The following EXOC4 variants were observed in gnomAD, a reference collection of about 807,000 sequenced individuals.
EXOC4 encodes the protein exocyst complex component 4.
A neutral mutation model predicts 107.2 loss-of-function variants in EXOC4; 71 were observed. The ratio of observed to expected loss-of-function variants is 0.66; its 90% CI spans 0.55 to 0.81. The LOEUF (loss-of-function observed/expected upper bound fraction) is 0.81. Among genes scored for constraint, EXOC4 ranks in the 30% least tolerant of loss-of-function variants. The pLI, the probability that EXOC4 is intolerant of heterozygous loss-of-function variation, is 0.00. For synonymous variants in EXOC4, 456 were observed against 441.2 expected, an observed-to-expected ratio of 1.03 and a Z score of -0.42; for missense variants, 1,108 against 1,189.6, an observed-to-expected ratio of 0.93 and a Z score of 1.01.
intron 9 of EXOC4, among the ~76,000 whole-genome samples, chr7:133,585,236 G>GTGTT: frequency 6.6e-6 from 1 of 152,236 alleles, no homozygotes; most frequent in African/African-American, 2.4e-5. Context: ...GCAAATCCTT[G>GTGTT]TGTTATCTGT....
intron 10 of EXOC4, among the ~76,000 whole-genome samples, chr7:133,685,718 A>G (rs1794282954): frequency 6.6e-6 from 1 of 152,220 alleles, no homozygotes; most frequent in African/African-American, 2.4e-5. Context: ...ACCTCTAAAA[A>G]TGAAAATGTT....
chr7:133,517,267 G>T (rs1016893384), intron 9 of EXOC4, among the ~76,000 whole-genome samples: 1 of 152,100 alleles, frequency 6.6e-6, no homozygotes, highest in Non-Finnish European at 1.5e-5. Flanking sequence ...TTTAATAAAG[G>T]AAGTGTGCAG....
chr7:133,504,043 A>G (rs1799624627), intron 9 of EXOC4, among the ~76,000 whole-genome samples: 1 of 152,136 alleles, frequency 6.6e-6, no homozygotes, highest in Non-Finnish European at 1.5e-5. Flanking sequence ...ACACACTCAC[A>G]AATACGTGTA....
intron 14 of EXOC4, among the ~76,000 whole-genome samples, chr7:133,984,013 C>T (rs916148015): frequency 2.6e-5 from 4 of 152,252 alleles, no homozygotes; most frequent in East Asian, 3.9e-4. Flanking sequence ...AAAAATCAAT[C>T]GTAATGTTTC....
At chr7:133,630,405 C>A (rs1486628161) in intron 10 of EXOC4, among the ~76,000 whole-genome samples, 1 of 152,004 alleles carries the variant, frequency 6.6e-6, no homozygotes, top group Non-Finnish European at 1.5e-5. Flanking sequence ...GCCCTCTTCC[C>A]TTCCCTCCCT....
At chr7:133,743,100 C>T (rs904297463) in intron 10 of EXOC4, among the ~76,000 whole-genome samples, 11 of 152,238 alleles carry the variant, frequency 7.2e-5, no homozygotes, top group East Asian at 3.9e-4. Context: ...TACTTCCCAG[C>T]GGCATCTGTT....
chr7:133,693,850 A>AT (rs1794473406), intron 10 of EXOC4, among the ~76,000 whole-genome samples: 1 of 152,122 alleles, frequency 6.6e-6, no homozygotes, highest in Non-Finnish European at 1.5e-5. Context: ...CAGAAAAGAG[A>AT]TTATTTATGA....
intron 5 of EXOC4, among the ~76,000 whole-genome samples, chr7:133,334,705 T>C (rs1584823559): frequency 6.6e-6 from 1 of 151,462 alleles, no homozygotes; most frequent in African/African-American, 2.4e-5. Flanking sequence ...CTCTCCCTCC[T>C]CCCACCCTCC....
At chr7:133,404,942 C>A (rs1797183762) in intron 7 of EXOC4, among the ~76,000 whole-genome samples, 1 of 141,598 alleles carries the variant, frequency 7.1e-6, no homozygotes, top group African/African-American at 2.6e-5. Flanking sequence ...GGTGTGATAA[C>A]CTACACCTGT....
intron 5 of EXOC4, among the ~76,000 whole-genome samples, chr7:133,339,327 G>A (rs1795605090): frequency 6.6e-6 from 1 of 152,060 alleles, no homozygotes; most frequent in Admixed American, 6.6e-5. Flanking sequence ...TAAGTATTTG[G>A]GTTTATTTCT....
At chr7:133,750,995 A>G (rs1032487115) in intron 10 of EXOC4, among the ~76,000 whole-genome samples, 1 of 152,220 alleles carries the variant, frequency 6.6e-6, no homozygotes, top group African/African-American at 2.4e-5. Context: ...TCACGCCCAC[A>G]CAAGTGTGTT....
chr7:133,576,786 G>T, intron 9 of EXOC4: 1 of 1,289,476 alleles, frequency 7.8e-7, no homozygotes, highest in Non-Finnish European at 1.0e-6. Context: ...TTTACACCCA[G>T]ACAGCCCTTC....
chr7:133,912,152 A>G (rs1209819415), intron 12 of EXOC4, among the ~76,000 whole-genome samples: 2 of 152,314 alleles, frequency 1.3e-5, no homozygotes, highest in East Asian at 1.9e-4. Flanking sequence ...TGCCCACCCC[A>G]TTGTATTAGA....
chr7:133,331,226 A>C (rs566477707), intron 5 of EXOC4, among the ~76,000 whole-genome samples: 2 of 152,092 alleles, frequency 1.3e-5, no homozygotes, highest in South Asian at 4.2e-4. Flanking sequence ...ATAATAAAGA[A>C]CTGAGCAAAT....
rs557825869 is a variant in EXOC4 at position 133,453,596 on chromosome 7, TC to T, written c.1183-21730del. Among the ~76,000 whole-genome samples, 4 of 152,280 alleles carry T rather than the reference TC, an allele frequency of 2.6e-5. No individual in the cohort carries two copies. The East Asian group carries it at 5.8e-4, about 22-fold the overall frequency. On this transcript the variant is annotated intron_variant, in intron 7 of 17. Coordinates refer to ENST00000253861, the MANE Select transcript of EXOC4 (RefSeq NM_021807.4). ...AGAGAATCTCCTTAATTGTTTTTTT[TC>T]CTATTGTATCTACTTTAACAATATT...
intron 10 of EXOC4, among the ~76,000 whole-genome samples, chr7:133,802,053 T>C (rs1219149792): frequency 6.6e-6 from 1 of 152,240 alleles, no homozygotes; most frequent in Non-Finnish European, 1.5e-5. Flanking sequence ...CTAGAATCTT[T>C]GAACCTGTGG....
chr7:134,029,589 G>A (rs1795223792), intron 17 of EXOC4, among the ~76,000 whole-genome samples: 1 of 152,080 alleles, frequency 6.6e-6, no homozygotes, highest in Admixed American at 6.5e-5. Context: ...GTGTGATCAC[G>A]GCTCACTGCA....
At chr7:133,704,366 G>A (rs759124822) in intron 10 of EXOC4, among the ~76,000 whole-genome samples, 18 of 152,186 alleles carry the variant, frequency 1.2e-4, no homozygotes, top group Non-Finnish European at 2.1e-4. Flanking sequence ...ATATATGGTG[G>A]TCATTGTAAC....
rs976647480 is a variant in EXOC4 at position 133,497,860 on chromosome 7, T to C, written c.1417+17722T>C. Among the ~76,000 whole-genome samples the C allele has an allele frequency of 2.0e-5, 3 of 152,206 alleles. No individual in the cohort carries two copies. In the South Asian group the frequency reaches 6.2e-4, roughly 32 times the overall value. ...ATATCTCCTTGCCCCTCCAGTTCTCTATGGCTTTTATTTAATTTGGAAGCT... is the reference window on the plus strand; with the variant it reads ...ATATCTCCTTGCCCCTCCAGTTCTCCATGGCTTTTATTTAATTTGGAAGCT... On this transcript the variant is annotated intron_variant, in intron 9 of 17. Coordinates refer to ENST00000253861, the MANE Select transcript of EXOC4 (RefSeq NM_021807.4).
Sources: allele counts gnomAD v4.1 joint callset (sites outside exome capture counted in the v4.1 genomes callset), GRCh38; gene constraint gnomAD v4.1.1; transcripts MANE v1.5; gene names NCBI Gene and HGNC (gene_info 2026-07-23, HGNC 2026-07-21).